SCN11A: variants seen among roughly 807,000 people sequenced by gnomAD.
SCN11A encodes the protein sodium voltage-gated channel alpha subunit 11.
SCN11A carries 122 observed loss-of-function variants against 162.2 expected under a neutral mutation model. The observed-to-expected ratio is 0.75, with a 90% confidence interval of 0.65 to 0.87. The LOEUF is 0.87. SCN11A is among the 40% of genes least tolerant of loss of function. SCN11A has a pLI of 0.00. For synonymous variants in SCN11A, 758 were observed against 751.5 expected (o/e 1.01, Z -0.14); for missense variants, 2,015 against 2,181.6 (o/e 0.92, Z 1.52).
At position 38,925,144 on chromosome 3, in the gene SCN11A, A is replaced by G. The variant is rs72855721; in HGVS notation, c.712+271T>C. Among the ~76,000 whole-genome samples the G allele has an allele frequency of 0.067, 10,174 of 151,920 alleles. 1,101 individuals are homozygous for G. Among genetic ancestry groups the G allele is most frequent in the African/African-American group, 0.23 (9,354 of 41,346 alleles). ...ATGCTACATAATGTACTTATTTATT[A>G]TAGTTGTTGCTTCGTGTCTGTCTCC... On this transcript the variant is annotated intron_variant, in intron 9 of 29. Transcript: ENST00000302328.
In SCN11A at chr3:38,921,166, C is replaced by A; in HGVS notation, c.802G>T (p.Ala268Ser). Residue 268 changes from alanine (A) to serine (S), a missense_variant, in exon 10 of 30, where the codon GCC becomes TCC. Transcript: ENST00000302328. ...ATGAAGAGCTGCTGACCTACCAGGG[C>A]AAAGATGCTGAGGCAAAAGAAGGTG... ...ILTFFCLSIF[A>S]LVGQQLFMGS... 6.2e-7 allele frequency: 1 copy of A among 1,614,078 alleles called. No homozygotes were observed. Among genetic ancestry groups the A allele is most frequent in the Non-Finnish European group, 8.5e-7 (1 of 1,179,952 alleles).
intron 7 of SCN11A, among the ~76,000 whole-genome samples, chr3:38,931,164 C>G (rs756955289): frequency 1.3e-5 from 2 of 152,192 alleles, no homozygotes; most frequent in African/African-American, 2.4e-5. Context: ...AAGGGGAGAC[C>G]ACATTCCCCA....
In SCN11A at chr3:38,899,885, G is replaced by C; in HGVS notation, c.2022+9C>G. On this transcript the variant is annotated intron_variant, in intron 17 of 29. Coordinates refer to ENST00000302328, the MANE Select transcript of SCN11A (RefSeq NM_001349253.2). Reference sequence around the variant, plus strand: ...TACGTTTATGCAGTAAAATAAGAAAGTGCCTTACCACTCTGAAGGAACGCA... The same window carrying C: ...TACGTTTATGCAGTAAAATAAGAAACTGCCTTACCACTCTGAAGGAACGCA... 1 of 1,609,714 alleles carries C rather than the reference G, an allele frequency of 6.2e-7. No individual in the cohort carries two copies. The highest frequency in any genetic ancestry group is 8.5e-7 in the Non-Finnish European group (1 of 1,177,208).
In SCN11A at chr3:39,012,983, A is replaced by AT. The variant is rs981565863; in HGVS notation, c.-280+19396dup. 4.6e-5 allele frequency among the ~76,000 whole-genome samples: 7 copies of AT among 152,010 alleles called. No individual in the cohort carries two copies. The East Asian group carries it at 7.7e-4, about 17-fold the overall frequency. ...CATTTCTACAGTTTCTACTGCAATT[A>AT]TTTTTTTTAACTGAGGATGGCTAAA... On this transcript the variant is annotated intron_variant, in intron 2 of 29. Transcript: ENST00000302328.
At position 39,051,914 on chromosome 3, in the gene SCN11A, C is replaced by A. The variant is rs967402867; in HGVS notation, c.-457G>T. On this transcript the variant is annotated 5_prime_UTR_variant, in exon 1 of 30. Coordinates refer to ENST00000302328, the MANE Select transcript of SCN11A (RefSeq NM_001349253.2). ...AACTAACAGCACCGAGGAAACACAACAGCCTGTTTACCTTCAGCCCCGCCA... is the reference window on the plus strand; with the variant it reads ...AACTAACAGCACCGAGGAAACACAAAAGCCTGTTTACCTTCAGCCCCGCCA... 2.2e-6 allele frequency: 3 copies of A among 1,341,034 alleles called. No individual in the cohort carries two copies. The highest frequency in any genetic ancestry group is 3.2e-6 in the Non-Finnish European group (3 of 948,092). The allele number at this position is 1,341,034 out of a possible 1,614,324, so 83.1% of individuals were successfully genotyped here.
At chr3:38,920,984 T>C (rs1222101354) in intron 10 of SCN11A, 92 bp downstream of exon 10, 1 of 1,175,692 alleles carries the variant, frequency 8.5e-7, no homozygotes. Flanking sequence ...GCTAAGAGAC[T>C]CTGTAAGGGA....
At chr3:38,997,602 G>A (rs1458579141) in intron 2 of SCN11A, among the ~76,000 whole-genome samples, 1 of 152,200 alleles carries the variant, frequency 6.6e-6, no homozygotes, top group Admixed American at 6.5e-5. Flanking sequence ...AGCTACACAA[G>A]GGCAAGGATC....
chr3:39,014,546 T>C (rs2031235802), intron 2 of SCN11A, among the ~76,000 whole-genome samples: 1 of 152,222 alleles, frequency 6.6e-6, no homozygotes, highest in African/African-American at 2.4e-5. Flanking sequence ...CAATTATGTC[T>C]GCCATAATTG....
At chr3:38,929,138 C>CACAT (rs1286929976) in intron 7 of SCN11A, among the ~76,000 whole-genome samples, 1 of 97,718 alleles carries the variant, frequency 1.0e-5, no homozygotes, top group Non-Finnish European at 2.6e-5. Context: ...TGTGCACGCA[C>CACAT]ACACACACAC....
chr3:38,974,626 C>T (rs527290631), intron 2 of SCN11A, among the ~76,000 whole-genome samples: 10 of 136,826 alleles, frequency 7.3e-5, no homozygotes, highest in South Asian at 2.4e-4. Context: ...ACCTGGGAGG[C>T]GGAGGTTGCA....
Position 38,894,765 on chromosome 3 carries a change from T to C in SCN11A, c.2603A>G (p.Glu868Gly). The C allele has an allele frequency of 6.2e-7, 1 of 1,614,216 alleles. No homozygotes were observed. The highest frequency in any genetic ancestry group is 8.5e-7 in the Non-Finnish European group (1 of 1,180,022). ...CRKQNLPQQK[E>G]VAGGCAAQSK... ...TTGTGCAGCACAGCCTCCTGCCACC[T>C]CTTTTTGCTGTGGTAAGTTTTGCTT... Residue 868 changes from glutamate (E) to glycine (G), a missense_variant, in exon 19 of 30, where the codon GAG (glutamate) becomes GGG (glycine). Glu to Gly is a moderately conservative substitution (Grantham distance 98). Transcript: ENST00000302328.
chr3:38,931,786 G>A (rs896586635), intron 7 of SCN11A, among the ~76,000 whole-genome samples: 3 of 152,308 alleles, frequency 2.0e-5, no homozygotes, highest in Non-Finnish European at 4.4e-5. Flanking sequence ...ACCTCTAGCG[G>A]GAGTGATTTT....
chr3:38,874,201 G>C (rs147326515), intron 23 of SCN11A, among the ~76,000 whole-genome samples: 1,905 of 152,196 alleles, frequency 0.013, 22 homozygotes, highest in Non-Finnish European at 0.019. Context: ...GTTTGAGATC[G>C]CATTTTCCTA....
intron 22 of SCN11A, 75 bp downstream of exon 22, chr3:38,883,158 C>T (rs371919774): frequency 1.3e-5 from 18 of 1,368,216 alleles, no homozygotes; most frequent in Middle Eastern, 3.7e-4. Flanking sequence ...CACAGTCCCA[C>T]GAGAAGCCAA....
intron 2 of SCN11A, among the ~76,000 whole-genome samples, chr3:38,991,256 CAGA>C (rs1281186777): frequency 6.6e-6 from 1 of 152,118 alleles, no homozygotes. Flanking sequence ...AACAGTTGCT[CAGA>C]AGGAGAAGAA....
intron 2 of SCN11A, among the ~76,000 whole-genome samples, chr3:39,009,257 T>A: frequency 6.6e-6 from 1 of 152,020 alleles, no homozygotes. Context: ...TAAAATACAT[T>A]TAGTATTTTC....
chr3:38,935,684 T>C (rs1014716270), intron 7 of SCN11A, among the ~76,000 whole-genome samples: 9 of 152,270 alleles, frequency 5.9e-5, no homozygotes, highest in South Asian at 2.1e-4. Flanking sequence ...CAGGAAGAAG[T>C]TGACTCTCTG....
chr3:38,847,265 A>G lies in SCN11A; in HGVS notation c.4805T>C (p.Val1602Ala). The G allele has an allele frequency of 6.2e-7, 1 of 1,614,182 alleles. No individual in the cohort carries two copies. The highest frequency in any genetic ancestry group is 8.5e-7 in the Non-Finnish European group (1 of 1,179,996). ...GGCTGTATTGAAGTTCTCTAAAATC[A>G]CAGCAATGTACATGTTGACAACAAT... ...FLIVVNMYIA[V>A]ILENFNTATE... is the part of the protein sequence containing the mutation. Residue 1602 changes from valine to alanine, a missense_variant, in exon 30 of 30, where the codon GTG (valine) becomes GCG (alanine). By Grantham distance (64) the Val-to-Ala change is moderately conservative. Transcript: ENST00000302328.
rs2064660296 is a variant in SCN11A, at chr3:38,846,256, G to C, written c.*438C>G. On this transcript the variant is annotated 3_prime_UTR_variant, in exon 30 of 30. Transcript: ENST00000302328. ...AGCCTCCCAAGTAGCTGGGACTACA[G>C]GCGCACGCCACCATGCCCAGCTAAT... 1 of 164,922 alleles carries C rather than the reference G, an allele frequency of 6.1e-6. No homozygotes were observed. The highest frequency in any genetic ancestry group is 2.4e-5 in the African/African-American group (1 of 41,666). The allele number at this position is 164,922 out of a possible 1,614,324, so 10.2% of individuals were successfully genotyped here. A position where few individuals can be genotyped will look rare whatever the true frequency, so the allele number is the denominator to read the frequency against.
Sources: allele counts gnomAD v4.1 joint callset (sites outside exome capture counted in the v4.1 genomes callset), GRCh38; gene constraint gnomAD v4.1.1; transcripts MANE v1.5; gene names NCBI Gene and HGNC (gene_info 2026-07-23, HGNC 2026-07-21).